Variants in GCC2 observed in about 807,000 individuals in gnomAD.
GCC2 encodes GRIP and coiled-coil domain containing 2.
In GCC2, 120 loss-of-function variants were observed where a neutral mutation model predicts 210.6. The observed-to-expected ratio is 0.57, with a 90% CI of 0.49 to 0.66. The LOEUF is 0.66. Among genes scored for constraint, GCC2 ranks in the 30% least tolerant of loss-of-function variants. The pLI is 0.00. For missense variants in GCC2, 1,868 were observed against 1,871.9 expected (o/e 1.00, Z 0.04); for synonymous variants, 703 against 652.7 (o/e 1.08, Z -1.17).
At position 108,453,979 on chromosome 2, in the gene GCC2, TTTA is replaced by T. The variant is rs1238450216; in HGVS notation, c.216+1516_216+1518del. ...TTGCATAATATCCGTTGGTTATATA[TTTA>T]TTTATTTTTATTTATTTATTTATTT... On this transcript the variant is annotated intron_variant, in intron 4 of 22. Coordinates refer to ENST00000309863, the MANE Select transcript of GCC2 (RefSeq NM_181453.4). Among the ~76,000 whole-genome samples the T allele has an allele frequency of 2.0e-5, 3 of 151,892 alleles. No individual in the cohort carries two copies. In the East Asian group the frequency reaches 5.8e-4, roughly 29 times the overall value.
intron 12 of GCC2, 93 bp downstream of exon 12, chr2:108,483,259 TG>T: frequency 4.3e-6 from 3 of 697,630 alleles, no homozygotes; most frequent in Non-Finnish European, 7.5e-6. Context: ...AATCTCACTC[TG>T]TGGCCCAGGC....
intron 4 of GCC2, among the ~76,000 whole-genome samples, chr2:108,464,741 TGGAA>T (rs1166633514): frequency 6.6e-6 from 1 of 151,426 alleles, no homozygotes; most frequent in Non-Finnish European, 1.5e-5. Context: ...AATGGAAGGA[TGGAA>T]GGAAGGAGGG....
chr2:108,505,594 T>TC (rs1683142546), intron 22 of GCC2, among the ~76,000 whole-genome samples: 1 of 152,100 alleles, frequency 6.6e-6, no homozygotes, highest in Non-Finnish European at 1.5e-5. Context: ...CAAGCTACCA[T>TC]CCCATAGGCA....
chr2:108,471,844 G>C lies in GCC2; in HGVS notation c.2515G>C (p.Glu839Gln). Residue 839 changes from glutamate (E) to glutamine (Q), a missense_variant, in exon 6 of 23, where the codon GAG becomes CAG. By Grantham distance (29) the Glu-to-Gln change is conservative (BLOSUM62 2). This residue lies in a region of GCC2 where 1,847 missense variants were observed against 1,765.2 expected (regional missense o/e 1.05). Coordinates refer to ENST00000309863, the MANE Select transcript of GCC2 (RefSeq NM_181453.4). ...GTCTTTATTGAGAGACTATGAGCAA[G>C]AGAAAGTTCTCTTAAGGAAAGAGTT... ...LKSLLRDYEQ[E>Q]KVLLRKELEE... The C allele has an allele frequency of 6.2e-7, 1 of 1,613,496 alleles. No individual in the cohort carries two copies. The highest frequency in any genetic ancestry group is 8.5e-7 in the Non-Finnish European group (1 of 1,179,686).
chr2:108,449,383 G>T (rs1477440520), intron 1 of GCC2, 103 bp downstream of exon 1: 7 of 1,484,826 alleles, frequency 4.7e-6, no homozygotes, highest in Non-Finnish European at 6.3e-6. Flanking sequence ...CCCTCTTGGT[G>T]TCCCGAAGCC....
intron 18 of GCC2, among the ~76,000 whole-genome samples, chr2:108,490,885 A>G (rs944715209): frequency 2.6e-5 from 4 of 152,180 alleles, no homozygotes; most frequent in South Asian, 2.1e-4. Context: ...TGATTCCTCT[A>G]AAGTAATTCA....
At chr2:108,479,980 C>CAAAAAAAAA (rs200934785) in intron 9 of GCC2, among the ~76,000 whole-genome samples, 35 of 114,510 alleles carry the variant, frequency 3.1e-4, no homozygotes, top group African/African-American at 6.2e-4. Context: ...GACTCCATCT[C>CAAAAAAAAA]AAAAAAAAAA....
chr2:108,467,868 T>TA (rs1270061512), intron 4 of GCC2, among the ~76,000 whole-genome samples: 2 of 152,174 alleles, frequency 1.3e-5, no homozygotes, highest in African/African-American at 4.8e-5. Flanking sequence ...GAAAATTTGA[T>TA]AGAACTCACC....
At position 108,451,017 on chromosome 2, in the gene GCC2, A is replaced by G. The variant is rs1397893306; in HGVS notation, c.64-11A>G. On this transcript the variant is annotated splice_polypyrimidine_tract_variant and intron_variant, in intron 2 of 22. Coordinates refer to ENST00000309863, the MANE Select transcript of GCC2 (RefSeq NM_181453.4). ...GTTATAACAAGTTGGTAACATGACCACATCTTTCAGCTGGAAACATTGCCC... is the reference window on the plus strand; with the variant it reads ...GTTATAACAAGTTGGTAACATGACCGCATCTTTCAGCTGGAAACATTGCCC... 9.4e-6 allele frequency: 15 copies of G among 1,588,602 alleles called. No individual in the cohort carries two copies. Among genetic ancestry groups the G allele is most frequent in the Non-Finnish European group, 1.2e-5 (14 of 1,157,360 alleles).
Position 108,486,552 on chromosome 2 carries a change from C to T in GCC2, c.3834C>T (p.His1278=), listed in dbSNP as rs747634829. 81 of 1,613,932 alleles carry T rather than the reference C, an allele frequency of 5.0e-5. No homozygotes were observed. The South Asian group carries it at 5.4e-4, about 11-fold the overall frequency. The change falls in exon 16 of 23, where the codon CAC becomes CAT. Residue 1278 remains histidine, a synonymous_variant. Transcript: ENST00000309863. ...AEITSEKHKI[H]EHLKTSAEQH... ...TAACATCAGAGAAGCACAAAATCCACGAGCACCTGAAAACCTCTGCGGAAC... is the reference window on the plus strand; with the variant it reads ...TAACATCAGAGAAGCACAAAATCCATGAGCACCTGAAAACCTCTGCGGAAC...
intron 4 of GCC2, among the ~76,000 whole-genome samples, chr2:108,455,318 T>C (rs1370544505): frequency 2.0e-5 from 3 of 152,142 alleles, no homozygotes; most frequent in Non-Finnish European, 4.4e-5. Context: ...CACGCGCCTA[T>C]AGCCCAAGCT....
intron 4 of GCC2, among the ~76,000 whole-genome samples, chr2:108,460,613 G>A (rs1232510907): frequency 6.6e-6 from 1 of 152,068 alleles, no homozygotes; most frequent in African/African-American, 2.4e-5. Context: ...TTTCTTGTAG[G>A]TCTGGTCTAG....
intron 5 of GCC2, chr2:108,469,299 G>T: frequency 2.3e-6 from 1 of 433,726 alleles, no homozygotes; most frequent in Non-Finnish European, 4.1e-6. Context: ...CTTTTTTATA[G>T]CTATAATGCC....
intron 4 of GCC2, among the ~76,000 whole-genome samples, chr2:108,456,864 A>G (rs766634232): frequency 3.3e-5 from 5 of 151,646 alleles, no homozygotes; most frequent in Non-Finnish European, 5.9e-5. Flanking sequence ...TAGGAAGATC[A>G]CTTGATCCCA....
chr2:108,465,821 T>C (rs1019528808), intron 4 of GCC2, among the ~76,000 whole-genome samples: 1 of 152,200 alleles, frequency 6.6e-6, no homozygotes, highest in African/African-American at 2.4e-5. Context: ...GGTGTATAAG[T>C]GTTCCCTTTT....
At chr2:108,497,226 C>A in intron 21 of GCC2, 117 bp downstream of exon 21, 1 of 1,532,740 alleles carries the variant, frequency 6.5e-7, no homozygotes, top group Non-Finnish European at 9.0e-7. Flanking sequence ...ACGCCATTCT[C>A]CTGCCTCAGC....
chr2:108,449,300 C>T lies in GCC2; in HGVS notation c.6+20C>T. On this transcript the variant is annotated intron_variant, in intron 1 of 22. Transcript: ENST00000309863. ...ATGGAGGTAACTCAGGTCGGGCCCA[C>T]TGCCTCCCATCAAGCCTTCCGCGCC... The T allele has an allele frequency of 6.5e-7, 1 of 1,548,510 alleles. No homozygotes were observed. The highest frequency in any genetic ancestry group is 1.4e-5 in the African/African-American group (1 of 73,118).
chr2:108,501,579 C>G (rs1682928012), intron 22 of GCC2, among the ~76,000 whole-genome samples: 1 of 151,936 alleles, frequency 6.6e-6, no homozygotes, highest in Admixed American at 6.6e-5. Context: ...AGTTGGTGTT[C>G]TTTAACATGT....
rs184504293 is a variant in GCC2 at position 108,492,888 on chromosome 2, G to T, written c.4447+98G>T. 7.4e-5 allele frequency: 64 copies of T among 865,018 alleles called. No individual in the cohort carries two copies. The East Asian group carries it at 1.6e-3, about 22-fold the overall frequency. The allele number at this position is 865,018 out of a possible 1,614,324, so 53.6% of individuals were successfully genotyped here. On this transcript the variant is annotated intron_variant, in intron 19 of 22. Coordinates refer to ENST00000309863, the MANE Select transcript of GCC2 (RefSeq NM_181453.4). ...AATTCATAAGAAAGAAAATTTACTA[G>T]GTGTCACCAGTGTCAAATCTGTGAT...
Sources: allele counts gnomAD v4.1 joint callset (sites outside exome capture counted in the v4.1 genomes callset), GRCh38; gene constraint gnomAD v4.1.1; regional missense constraint gnomAD v4.1.1; transcripts MANE v1.5; gene names NCBI Gene and HGNC (gene_info 2026-07-23, HGNC 2026-07-21).